The following ADGB variants were observed in gnomAD, a reference collection of about 807,000 sequenced individuals.
ADGB encodes the protein calpain-7-like protein.
ADGB carries 172 observed loss-of-function variants against 210.5 expected under a neutral mutation model. That is an observed-to-expected ratio of 0.82 (90% CI 0.72 to 0.93). The LOEUF (loss-of-function observed/expected upper bound fraction) is 0.93. ADGB is among the 40% of genes least tolerant of loss of function. ADGB has a pLI of 0.00. For missense variants in ADGB, 2,025 were observed against 1,964.8 expected (o/e 1.03, Z -0.58); for synonymous variants, 658 against 662.7 (o/e 0.99, Z 0.11).
intron 27 of ADGB, among the ~76,000 whole-genome samples, chr6:146,754,996 G>A (rs1777385873): frequency 6.6e-6 from 1 of 151,974 alleles, no homozygotes; most frequent in South Asian, 2.1e-4. Flanking sequence ...ATTTTTAAAT[G>A]TGTGATAACA....
intron 33 of ADGB, among the ~76,000 whole-genome samples, chr6:146,794,906 G>A (rs1408156511): frequency 6.6e-6 from 1 of 152,108 alleles, no homozygotes; most frequent in Non-Finnish European, 1.5e-5. Flanking sequence ...TTTGTACACT[G>A]CCAGAACTTT....
intron 12 of ADGB, among the ~76,000 whole-genome samples, chr6:146,695,909 T>A (rs537083516): frequency 8.5e-4 from 129 of 152,090 alleles, no homozygotes; most frequent in Non-Finnish European, 1.5e-3. Context: ...GAAGACCAGT[T>A]GAATGTAATT....
At chr6:146,763,104 T>C (rs1231777482) in intron 27 of ADGB, among the ~76,000 whole-genome samples, 1 of 152,206 alleles carries the variant, frequency 6.6e-6, no homozygotes, top group Non-Finnish European at 1.5e-5. Context: ...TTCACTACTT[T>C]GGGCTGTACT....
intron 3 of ADGB, among the ~76,000 whole-genome samples, chr6:146,651,539 G>T (rs961789672): frequency 1.3e-5 from 2 of 152,202 alleles, no homozygotes; most frequent in Non-Finnish European, 2.9e-5. Flanking sequence ...GGCGAAACAT[G>T]TACCCGCGGT....
intron 11 of ADGB, among the ~76,000 whole-genome samples, 166 bp downstream of exon 11, chr6:146,691,456 AT>A: frequency 1.8e-5 from 1 of 56,894 alleles, no homozygotes; most frequent in African/African-American, 2.1e-4. Flanking sequence ...ATATATATAT[AT>A]AAAAATATAT....
At chr6:146,700,320 A>T (rs182497478) in intron 12 of ADGB, among the ~76,000 whole-genome samples, 13 of 152,320 alleles carry the variant, frequency 8.5e-5, no homozygotes, top group Admixed American at 7.2e-4. Context: ...AGAGACGTTT[A>T]GTTACAAGTG....
chr6:146,654,083 CT>C, intron 3 of ADGB, 51 bp from the exon 4 acceptor site: 4 of 1,228,752 alleles, frequency 3.3e-6, no homozygotes, highest in South Asian at 1.6e-5. Context: ...CATTAAATTA[CT>C]TTTTTATTAT....
intron 3 of ADGB, among the ~76,000 whole-genome samples, chr6:146,652,214 G>A (rs896193907): frequency 3.3e-5 from 5 of 152,180 alleles, no homozygotes; most frequent in African/African-American, 1.2e-4. Context: ...TTGTCAGCAG[G>A]AGGCTATCAA....
intron 27 of ADGB, among the ~76,000 whole-genome samples, chr6:146,760,909 A>T (rs1777479670): frequency 1.3e-5 from 2 of 151,902 alleles, no homozygotes; most frequent in Non-Finnish European, 2.9e-5. Context: ...TGATTGAAGG[A>T]TTTATTCACA....
At chr6:146,809,652 T>C (rs1319509082) in intron 35 of ADGB, among the ~76,000 whole-genome samples, 2 of 152,180 alleles carry the variant, frequency 1.3e-5, no homozygotes, top group Admixed American at 6.5e-5. Flanking sequence ...AGCTTAAAAA[T>C]ATTTAATACT....
At chr6:146,790,470 A>G (rs1198630609) in intron 33 of ADGB, among the ~76,000 whole-genome samples, 1 of 152,188 alleles carries the variant, frequency 6.6e-6, no homozygotes, top group African/African-American at 2.4e-5. Flanking sequence ...TGGCTTTTTT[A>G]CTTAGCATCT....
At chr6:146,784,865 G>A in intron 31 of ADGB, 71 bp downstream of exon 31, 8 of 1,446,790 alleles carry the variant, frequency 5.5e-6, no homozygotes, top group Non-Finnish European at 6.4e-6. Context: ...AAATAGTCAT[G>A]CTGGTAAAAA....
chr6:146,685,140 GA>G (rs1776211574), intron 9 of ADGB, among the ~76,000 whole-genome samples: 1 of 151,826 alleles, frequency 6.6e-6, no homozygotes, highest in African/African-American at 2.4e-5. Context: ...AAAAAATACT[GA>G]ATAAAATAAT....
chr6:146,766,507 T>C (rs1562295969), intron 28 of ADGB, among the ~76,000 whole-genome samples: 2 of 151,356 alleles, frequency 1.3e-5, no homozygotes, highest in South Asian at 2.1e-4. Context: ...GGGAAACACA[T>C]AACTTCCTGA....
chr6:146,811,534 T>TA (rs1265987570), intron 35 of ADGB, among the ~76,000 whole-genome samples: 2 of 133,616 alleles, frequency 1.5e-5, no homozygotes, highest in African/African-American at 2.6e-5. Flanking sequence ...TCAAGTTAGA[T>TA]AAAAATCATT....
chr6:146,642,152 GA>G (rs1480360878), intron 2 of ADGB, among the ~76,000 whole-genome samples: 2 of 151,686 alleles, frequency 1.3e-5, no homozygotes, highest in African/African-American at 4.8e-5. Flanking sequence ...ACAAGCATAT[GA>G]AAAAAAGCTC....
intron 17 of ADGB, among the ~76,000 whole-genome samples, chr6:146,723,752 T>A (rs1446480526): frequency 6.6e-6 from 1 of 152,076 alleles, no homozygotes; most frequent in Non-Finnish European, 1.5e-5. Flanking sequence ...AATAAATAAT[T>A]TTTTTGATAA....
At chr6:146,695,140 T>G (rs1776385908) in intron 12 of ADGB, among the ~76,000 whole-genome samples, 1 of 152,182 alleles carries the variant, frequency 6.6e-6, no homozygotes. Flanking sequence ...GACCCTAACA[T>G]TCAATGACCT....
At chr6:146,729,636 G>C (rs1187702519) in intron 20 of ADGB, among the ~76,000 whole-genome samples, 1 of 152,054 alleles carries the variant, frequency 6.6e-6, no homozygotes, top group African/African-American at 2.4e-5. Context: ...AAGAGATGGG[G>C]TCTCACTATA....
Sources: allele counts gnomAD v4.1 joint callset (sites outside exome capture counted in the v4.1 genomes callset), GRCh38; gene constraint gnomAD v4.1.1; transcripts MANE v1.5; gene names NCBI Gene and HGNC (gene_info 2026-07-23, HGNC 2026-07-21).